The following PRDM16 variants were observed in gnomAD, a reference collection of about 807,000 sequenced individuals.
PRDM16 encodes the protein PR/SET domain 16.
A neutral mutation model predicts 110.6 loss-of-function variants in PRDM16; 23 were observed. That is an observed-to-expected ratio of 0.21 (90% CI 0.15 to 0.29). The LOEUF (loss-of-function observed/expected upper bound fraction) is 0.29. PRDM16 is among the 10% of genes least tolerant of loss of function. The pLI is 1.00. For synonymous variants in PRDM16, 799 were observed against 781.8 expected, an observed-to-expected ratio of 1.02 and a Z score of -0.37; for missense variants, 1,615 against 1,794.3, an observed-to-expected ratio of 0.90 and a Z score of 1.81.
At chr1:3,147,891 G>A (rs1643706192) in intron 1 of PRDM16, among the ~76,000 whole-genome samples, 1 of 152,194 alleles carries the variant, frequency 6.6e-6, no homozygotes, top group African/African-American at 2.4e-5. Context: ...AGCCAGAGCA[G>A]AGGGGTTCAG....
chr1:3,268,202 G>A lies in PRDM16; in HGVS notation c.438+24065G>A, dbSNP rs548830027. Among the ~76,000 whole-genome samples the A allele has an allele frequency of 5.4e-4, 82 of 152,334 alleles. 1 individual carries two copies. The highest frequency in any genetic ancestry group is 1.0e-3 in the Non-Finnish European group (69 of 68,028). On this transcript the variant is annotated intron_variant, in intron 3 of 16. Transcript: ENST00000270722. ...TCCTGCTGCGGTTGCAGTCGCCCCCGGCTCGGCGCGCGTCAGACCAGGTGC... is the reference window on the plus strand; with the variant it reads ...TCCTGCTGCGGTTGCAGTCGCCCCCAGCTCGGCGCGCGTCAGACCAGGTGC...
At chr1:3,181,148 A>ACGCAGTCTTACACG (rs1644160999) in intron 1 of PRDM16, among the ~76,000 whole-genome samples, 1 of 136,472 alleles carries the variant, frequency 7.3e-6, no homozygotes, top group Non-Finnish European at 1.6e-5. Flanking sequence ...GGTCTTACAC[A>ACGCAGTCTTACACG]CGCAGTCTTA....
intron 14 of PRDM16, among the ~76,000 whole-genome samples, chr1:3,428,049 A>G (rs1465862735): frequency 6.6e-6 from 1 of 152,116 alleles, no homozygotes; most frequent in Non-Finnish European, 1.5e-5. Flanking sequence ...CAGGCGAGGA[A>G]CAAGTGAGGA....
intron 1 of PRDM16, among the ~76,000 whole-genome samples, chr1:3,160,401 C>T (rs1643888561): frequency 6.6e-6 from 1 of 152,206 alleles, no homozygotes; most frequent in African/African-American, 2.4e-5. Flanking sequence ...TTGGCCTGAG[C>T]TGCCACATCA....
intron 1 of PRDM16, among the ~76,000 whole-genome samples, chr1:3,090,540 G>A (rs914842241): frequency 6.6e-6 from 1 of 152,258 alleles, no homozygotes; most frequent in African/African-American, 2.4e-5. Context: ...TGGAAGCAAA[G>A]ACTGGGCTCC....
At chr1:3,098,121 G>C (rs566783658) in intron 1 of PRDM16, among the ~76,000 whole-genome samples, 130 of 152,230 alleles carry the variant, frequency 8.5e-4, no homozygotes, top group Non-Finnish European at 1.7e-3. Flanking sequence ...TCAGTGTGCT[G>C]GGGGCTGAGC....
intron 1 of PRDM16, among the ~76,000 whole-genome samples, chr1:3,137,005 C>T (rs573436967): frequency 6.6e-6 from 1 of 152,168 alleles, no homozygotes; most frequent in Non-Finnish European, 1.5e-5. Flanking sequence ...GTTCTCACCC[C>T]CAGGGTCCCA....
chr1:3,191,908 C>T (rs916035959), intron 2 of PRDM16, among the ~76,000 whole-genome samples: 1 of 152,186 alleles, frequency 6.6e-6, no homozygotes, highest in Admixed American at 6.5e-5. Context: ...GAACCAGCTT[C>T]CCCACATACC....
chr1:3,263,386 C>A (rs1001355803), intron 3 of PRDM16, among the ~76,000 whole-genome samples: 1 of 152,222 alleles, frequency 6.6e-6, no homozygotes, highest in African/African-American at 2.4e-5. Flanking sequence ...CCCGTGGGGC[C>A]CCCCGCAGGC....
intron 3 of PRDM16, among the ~76,000 whole-genome samples, chr1:3,373,460 C>T (rs994951561): frequency 6.6e-6 from 1 of 152,208 alleles, no homozygotes; most frequent in African/African-American, 2.4e-5. Context: ...TCGTTGCAGA[C>T]GTTTCTCAGC....
Position 3,070,299 on chromosome 1 carries a change from C to G in PRDM16, c.37+1003C>G, listed in dbSNP as rs546847153. ...CGGTCCTTGCCGCGGGCCGGGTGCT[C>G]CAGCCACCCGCGCCCTCGCCCGCCA... On this transcript the variant is annotated intron_variant, in intron 1 of 16. Transcript: ENST00000270722. Among the ~76,000 whole-genome samples the G allele has an allele frequency of 1.5e-4, 23 of 149,336 alleles. No homozygotes were observed. The East Asian group carries it at 4.3e-3, about 28-fold the overall frequency.
rs1638578097 is a variant in PRDM16 at position 3,425,511 on chromosome 1, C to T, written c.2940-70C>T. On this transcript the variant is annotated intron_variant, in intron 12 of 16. Transcript: ENST00000270722. The surrounding 1 kb of genome is among the most constrained non-coding windows in gnomAD (Gnocchi z 6.9). ...GGCAGGGGCGCGGGCTCCCTTCCCC[C>T]CACCCTCTGTGGCCCGGCCTGCCAT... 2 of 1,535,562 alleles carry T rather than the reference C, an allele frequency of 1.3e-6. No homozygotes were observed. Among genetic ancestry groups the T allele is most frequent in the African/African-American group, 1.4e-5 (1 of 72,964 alleles).
intron 12 of PRDM16, among the ~76,000 whole-genome samples, chr1:3,419,233 C>T (rs1017469806): frequency 6.6e-6 from 1 of 152,156 alleles, no homozygotes; most frequent in Non-Finnish European, 1.5e-5. Flanking sequence ...CCCCACCCCC[C>T]ACTTGGAGCC....
chr1:3,284,547 G>A (rs2100336774), intron 3 of PRDM16, among the ~76,000 whole-genome samples: 1 of 152,344 alleles, frequency 6.6e-6, no homozygotes, highest in South Asian at 2.1e-4. Context: ...AAGCCTTCGG[G>A]AGCCAGGACC....
At position 3,377,382 on chromosome 1, in the gene PRDM16, C is replaced by T. The variant is rs369644969; in HGVS notation, c.439-7770C>T. 3.7e-4 allele frequency among the ~76,000 whole-genome samples: 57 copies of T among 152,350 alleles called. 2 individuals carry two copies. The East Asian group carries it at 8.9e-3, about 24-fold the overall frequency. ...CCTGCACGCACACCCTGGACGGGGC[C>T]GGCGGCTGGCCATGCCCACTGAACC... On this transcript the variant is annotated intron_variant, in intron 3 of 16. Transcript: ENST00000270722.
chr1:3,287,720 G>A (rs1363004686), intron 3 of PRDM16, among the ~76,000 whole-genome samples: 2 of 136,482 alleles, frequency 1.5e-5, no homozygotes, highest in Non-Finnish European at 3.0e-5. Flanking sequence ...GGACATCCAG[G>A]ATTGCATTTA....
chr1:3,075,011 C>A (rs917891993), intron 1 of PRDM16, among the ~76,000 whole-genome samples: 1 of 152,256 alleles, frequency 6.6e-6, no homozygotes, highest in Non-Finnish European at 1.5e-5. Context: ...GGGCCCAGAG[C>A]AGGGGAGGAG....
chr1:3,303,096 A>G (rs973669267), intron 3 of PRDM16, among the ~76,000 whole-genome samples: 1 of 152,190 alleles, frequency 6.6e-6, no homozygotes. Context: ...CGTAATTCAC[A>G]TACCATATAA....
intron 3 of PRDM16, among the ~76,000 whole-genome samples, chr1:3,286,216 A>G (rs1179720608): frequency 1.3e-5 from 2 of 152,200 alleles, no homozygotes; most frequent in Non-Finnish European, 2.9e-5. Flanking sequence ...TAATTGAATC[A>G]AGTTGATACA....
Sources: allele counts gnomAD v4.1 joint callset (sites outside exome capture counted in the v4.1 genomes callset), GRCh38; gene constraint gnomAD v4.1.1; non-coding constraint Gnocchi (gnomAD v3.1); transcripts MANE v1.5; gene names NCBI Gene and HGNC (gene_info 2026-07-23, HGNC 2026-07-21).